SCPEP1: variants seen among roughly 807,000 people sequenced by gnomAD.
SCPEP1 encodes serine carboxypeptidase 1.
Under a neutral mutation model 63.8 loss-of-function variants are expected in SCPEP1, and 51 were observed. The observed-to-expected ratio is 0.80, with a 90% CI of 0.64 to 1.01. SCPEP1 has a LOEUF of 1.01. Ranked by LOEUF, SCPEP1 falls within the 50% of genes least tolerant of loss-of-function variation. The probability of loss-of-function intolerance (pLI) is 0.00; values close to 1 mark genes in which losing one functional copy is unlikely to be tolerated. For missense variants in SCPEP1, 499 were observed against 554.9 expected (o/e 0.90, Z 1.01); for synonymous variants, 204 against 207.8 (o/e 0.98, Z 0.16).
In SCPEP1 at chr17:56,995,288, G is replaced by A. The variant is rs554082091; in HGVS notation, c.658-219G>A. Reference sequence around the variant, plus strand: ...TTTTATTACAAAAATTTTCAAATATGCAGAAATGTTGAAAGATCACGGTGA... The same window carrying A: ...TTTTATTACAAAAATTTTCAAATATACAGAAATGTTGAAAGATCACGGTGA... On this transcript the variant is annotated intron_variant, in intron 7 of 12. Transcript: ENST00000262288. 22 of 577,390 alleles carry A rather than the reference G, an allele frequency of 3.8e-5. No homozygotes were observed. The East Asian group carries it at 6.4e-4, about 17-fold the overall frequency. The allele number at this position is 577,390 out of a possible 1,614,324, so 35.8% of individuals were successfully genotyped here. A position where few individuals can be genotyped will look rare whatever the true frequency, so the allele number is the denominator to read the frequency against.
intron 1 of SCPEP1, 135 bp downstream of exon 1, chr17:56,978,370 G>T: frequency 1.9e-6 from 2 of 1,037,584 alleles, no homozygotes; most frequent in South Asian, 2.8e-5. Context: ...TATTGCTTTT[G>T]AATCTCACTC....
Position 57,000,879 on chromosome 17 carries a change from A to G in SCPEP1, c.1019A>G (p.Asn340Ser). ...WGGQATNVFV[N>S]MEEDFMKPVI... ...GGCCAGGCTACCAACGTCTTTGTGA[A>G]CATGGAGGAGGACTTCATGAAGCCA... Residue 340 changes from asparagine to serine, a missense_variant, in exon 11 of 13, where the codon AAC becomes AGC. Coordinates refer to ENST00000262288, the MANE Select transcript of SCPEP1 (RefSeq NM_021626.3). The G allele has an allele frequency of 6.2e-7, 1 of 1,614,208 alleles. No individual in the cohort carries two copies. Among genetic ancestry groups the G allele is most frequent in the Non-Finnish European group, 8.5e-7 (1 of 1,180,044 alleles).
rs1414560363 is a variant in SCPEP1 at position 56,993,933 on chromosome 17, G to A, written c.620-1048G>A. On this transcript the variant is annotated intron_variant, in intron 6 of 12. Transcript: ENST00000262288. ...GCATTGGAGAACTGCAGCCAATCCT[G>A]TGTTTTAAGAAACTAAGAAACAAGT... Among the ~76,000 whole-genome samples, 3 of 152,224 alleles carry A rather than the reference G, an allele frequency of 2.0e-5. No homozygotes were observed. In the East Asian group the frequency reaches 5.8e-4, roughly 29 times the overall value.
In SCPEP1 at chr17:56,989,819, C is replaced by T. The variant is rs191180090; in HGVS notation, c.547-1280C>T. Reference sequence around the variant, plus strand: ...AAAATTAGCTGGGCATGGTAGTGCACGCCTGTAATCCCAGCTACTAGGGAG... The same window carrying T: ...AAAATTAGCTGGGCATGGTAGTGCATGCCTGTAATCCCAGCTACTAGGGAG... On this transcript the variant is annotated intron_variant, in intron 5 of 12. Coordinates refer to ENST00000262288, the MANE Select transcript of SCPEP1 (RefSeq NM_021626.3). 1.1e-3 allele frequency among the ~76,000 whole-genome samples: 172 copies of T among 152,070 alleles called. 1 individual carries two copies. Among genetic ancestry groups the T allele is most frequent in the Middle Eastern group, 3.4e-3 (1 of 294 alleles).
At chr17:56,987,883 G>A in intron 4 of SCPEP1, 33 bp downstream of exon 4, 1 of 1,610,180 alleles carries the variant, frequency 6.2e-7, no homozygotes, top group Non-Finnish European at 8.5e-7. Flanking sequence ...CTAAGTAAAG[G>A]GCTGGCAATA....
Position 57,001,888 on chromosome 17 carries a change from A to G in SCPEP1, c.1133-130A>G, listed in dbSNP as rs1225499641. 3.1e-6 allele frequency: 3 copies of G among 965,792 alleles called. No individual in the cohort carries two copies. The Admixed American group carries it at 7.2e-5, about 23-fold the overall frequency. 59.8% of individuals were successfully genotyped at this position (965,792 alleles called of 1,614,324 possible). A position where few individuals can be genotyped will look rare whatever the true frequency, so the allele number is the denominator to read the frequency against. ...CCTGATCTTCTGAATCAGAATTTGC[A>G]TTTTAACAAGATCCTGAGTGAGTTT... On this transcript the variant is annotated intron_variant, in intron 11 of 12. Coordinates refer to ENST00000262288, the MANE Select transcript of SCPEP1 (RefSeq NM_021626.3).
intron 6 of SCPEP1, among the ~76,000 whole-genome samples, chr17:56,992,385 A>G (rs1911427414): frequency 6.6e-6 from 1 of 152,106 alleles, no homozygotes; most frequent in African/African-American, 2.4e-5. Flanking sequence ...TGGATCTCGT[A>G]GGACATCATA....
intron 6 of SCPEP1, among the ~76,000 whole-genome samples, chr17:56,994,275 G>C (rs1911480982): frequency 6.6e-6 from 1 of 152,182 alleles, no homozygotes; most frequent in South Asian, 2.1e-4. Context: ...TATAAGTTGA[G>C]GTCCTTGATT....
chr17:56,993,726 C>T (rs1256512064), intron 6 of SCPEP1, among the ~76,000 whole-genome samples: 1 of 152,132 alleles, frequency 6.6e-6, no homozygotes, highest in Admixed American at 6.6e-5. Flanking sequence ...GGATTACAGG[C>T]GTGAGCCACC....
intron 12 of SCPEP1, among the ~76,000 whole-genome samples, chr17:57,005,522 C>T (rs1313646975): frequency 6.6e-6 from 1 of 152,132 alleles, no homozygotes; most frequent in Non-Finnish European, 1.5e-5. Context: ...ATGGGTGTGC[C>T]ATAGAGAATC....
intron 12 of SCPEP1, among the ~76,000 whole-genome samples, chr17:57,005,274 G>A (rs8068009): frequency 6.6e-6 from 1 of 152,316 alleles, no homozygotes; most frequent in Admixed American, 6.5e-5. Flanking sequence ...CCCTGACGAG[G>A]CTGGTAGGAA....
At position 57,006,184 on chromosome 17, in the gene SCPEP1, C is replaced by T. The variant is rs747888573; in HGVS notation, c.1308C>T (p.Asp436=). 1.2e-6 allele frequency: 2 copies of T among 1,610,680 alleles called. No homozygotes were observed. Among genetic ancestry groups the T allele is most frequent in the Admixed American group, 1.7e-5 (1 of 59,472 alleles). ...ILKAGHMVPS[D]QGDMALKMMR... ...TTGTTTTTTTCTAGGTTCCTTCTGACCAAGGGGACATGGCTCTGAAGATGA... is the reference window on the plus strand; with the variant it reads ...TTGTTTTTTTCTAGGTTCCTTCTGATCAAGGGGACATGGCTCTGAAGATGA... The change falls in exon 13 of 13, where the codon GAC becomes GAT. Residue 436 remains aspartate (D), a synonymous_variant. Transcript: ENST00000262288.
At chr17:56,986,606 C>T (rs534375231) in intron 3 of SCPEP1, among the ~76,000 whole-genome samples, 1 of 151,374 alleles carries the variant, frequency 6.6e-6, no homozygotes, top group Non-Finnish European at 1.5e-5. Flanking sequence ...AGTGCAGTGG[C>T]GCTATCTCGG....
In SCPEP1 at chr17:56,994,979, A is replaced by G. The variant is rs1350540121; in HGVS notation, c.620-2A>G. 1 of 1,612,816 alleles carries G rather than the reference A, an allele frequency of 6.2e-7. No individual in the cohort carries two copies. Among genetic ancestry groups the G allele is most frequent in the Admixed American group, 1.7e-5 (1 of 60,012 alleles). On this transcript the variant is annotated splice_acceptor_variant, in intron 6 of 12. Transcript: ENST00000262288. LOFTEE classifies it high-confidence loss of function. ...GATTTGTACATATGTGATTTCCTTT[A>G]GATTCGGTGCTCTCCTGGGGACCTT...
At chr17:56,980,860 G>A (rs967460512) in intron 1 of SCPEP1, among the ~76,000 whole-genome samples, 3 of 150,584 alleles carry the variant, frequency 2.0e-5, no homozygotes, top group Non-Finnish European at 4.4e-5. Context: ...GAAAAGTGTA[G>A]AGGAAAAAGT....
At position 57,006,059 on chromosome 17, in the gene SCPEP1, G is replaced by C. The variant is rs547237740; in HGVS notation, c.1297-114G>C. On this transcript the variant is annotated intron_variant, in intron 12 of 12. Transcript: ENST00000262288. ...AGGGATGTGCCCAGGTGTCTGCACA[G>C]GTTGCTGTCACAGAGCTGGCTCCCT... 4.1e-6 allele frequency: 3 copies of C among 726,546 alleles called. No individual in the cohort carries two copies. The South Asian group carries it at 5.6e-5, about 14-fold the overall frequency. The allele number at this position is 726,546 out of a possible 1,614,324, so 45.0% of individuals were successfully genotyped here.
chr17:56,997,722 A>G (rs1911610039), intron 9 of SCPEP1, among the ~76,000 whole-genome samples: 1 of 150,348 alleles, frequency 6.7e-6, no homozygotes, highest in Non-Finnish European at 1.5e-5. Flanking sequence ...TTCCCTACCA[A>G]CCCCTTATTT....
intron 2 of SCPEP1, chr17:56,983,329 C>T (rs1911121111): frequency 6.6e-6 from 1 of 152,198 alleles, no homozygotes; most frequent in Admixed American, 6.5e-5. Flanking sequence ...CCCACAAAGA[C>T]CCAACCCCTA....
At chr17:57,000,326 G>T (rs1034423499) in intron 10 of SCPEP1, among the ~76,000 whole-genome samples, 5 of 152,240 alleles carry the variant, frequency 3.3e-5, no homozygotes, top group Non-Finnish European at 5.9e-5. Flanking sequence ...AATGCTGATG[G>T]GCAGGAGCTA....
Sources: allele counts gnomAD v4.1 joint callset (sites outside exome capture counted in the v4.1 genomes callset), GRCh38; gene constraint gnomAD v4.1.1; transcripts MANE v1.5; gene names NCBI Gene and HGNC (gene_info 2026-07-23, HGNC 2026-07-21).